The following CCDC187 variants were observed in gnomAD, a reference collection of about 807,000 sequenced individuals.
The protein encoded by CCDC187 is coiled-coil domain containing 187.
CCDC187 carries 32 observed loss-of-function variants against 38.0 expected under a neutral mutation model. The observed-to-expected ratio is 0.84, with a 90% CI of 0.64 to 1.13. The LOEUF (loss-of-function observed/expected upper bound fraction) is 1.13, where lower values mean the gene tolerates loss of function less well. Among genes scored for constraint, CCDC187 ranks in the 50% most tolerant of loss-of-function variants. The pLI, the probability that CCDC187 is intolerant of heterozygous loss-of-function variation, is 0.00. For synonymous variants in CCDC187, 333 were observed against 347.9 expected, an observed-to-expected ratio of 0.96 and a Z score of 0.48; for missense variants, 707 against 786.8, an observed-to-expected ratio of 0.90 and a Z score of 1.21.
intron 3 of CCDC187, among the ~76,000 whole-genome samples, chr9:136,298,368 G>A (rs999884930): frequency 0.017 from 2,605 of 152,300 alleles, 36 homozygotes; most frequent in East Asian, 0.044. Context: ...CTGCCGATGG[G>A]GAGGAGATGG....
At position 136,285,544 on chromosome 9, in the gene CCDC187, G is replaced by C. The variant is rs954025487; in HGVS notation, c.2896C>G (p.Pro966Ala). 1.0e-4 allele frequency: 41 copies of C among 403,002 alleles called. No homozygotes were observed. Among genetic ancestry groups the C allele is most frequent in the African/African-American group, 7.8e-4 (38 of 48,670 alleles). The allele number at this position is 403,002 out of a possible 1,614,324, so 25.0% of individuals were successfully genotyped here. A position where few individuals can be genotyped will look rare whatever the true frequency, so the allele number is the denominator to read the frequency against. The change falls in exon 9 of 26, where the codon CCC becomes GCC. Residue 966 changes from proline (P) to alanine (A), a missense_variant. Transcript: ENST00000638797. ...PDKRLQRGVAPFQALSPSAGS... is the reference protein window; with the variant it reads ...PDKRLQRGVAAFQALSPSAGS... ...GCAGAGGGGCTGAGGGCCTGGAAGG[G>C]GGCCACGCCTCTCTGCAGCCTTTTG...
chr9:136,293,252 T>G (rs888479753), intron 4 of CCDC187, among the ~76,000 whole-genome samples: 1 of 106,304 alleles, frequency 9.4e-6, no homozygotes, highest in Non-Finnish European at 1.9e-5. Flanking sequence ...CTCACATGCT[T>G]ACACACTCAC....
In CCDC187 at chr9:136,260,251, G is replaced by C. The variant is rs1382448804; in HGVS notation, c.4078C>G (p.Gln1360Glu). ...SSKATRPPTE[Q>E]QDVTPPQTTS... The stretch of plus-strand genomic sequence containing the variant: ...GTCTGGGGTGGCGTCACATCCTGCT[G>C]CTCAGTGGGAGGGCTGCACGGCCAT... The change falls in exon 20 of 26, where the codon CAG (glutamine) becomes GAG (glutamate). Residue 1360 changes from glutamine (Q) to glutamate (E), a missense_variant. Physicochemically the swap from Gln to Glu is conservative, Grantham distance 29. Coordinates refer to ENST00000638797, the MANE Select transcript of CCDC187 (RefSeq NM_001378188.1). 2.0e-6 allele frequency: 2 copies of C among 984,960 alleles called. No individual in the cohort carries two copies. The highest frequency in any genetic ancestry group is 2.4e-6 in the Non-Finnish European group (2 of 830,006). The allele number at this position is 984,960 out of a possible 1,614,324, so 61.0% of individuals were successfully genotyped here.
intron 7 of CCDC187, 149 bp downstream of exon 7, chr9:136,289,810 T>C (rs1411052518): frequency 1.0e-5 from 4 of 392,740 alleles, no homozygotes; most frequent in Non-Finnish European, 1.8e-5. Flanking sequence ...CAGGTGGCAC[T>C]GTGGGCGGGC....
chr9:136,275,749 G>A lies in CCDC187; in HGVS notation c.3225+445C>T, dbSNP rs890209582. Among the ~76,000 whole-genome samples, 451 of 152,362 alleles carry A rather than the reference G, an allele frequency of 3.0e-3. 2 individuals carry two copies. Among genetic ancestry groups the A allele is most frequent in the African/African-American group, 0.01 (417 of 41,588 alleles). ...CCCGGGCAGTGGGAGCTGCCTTTCG[G>A]AGGGGACACTATTGGTGCAGGACGG... On this transcript the variant is annotated intron_variant, in intron 12 of 25. Coordinates refer to ENST00000638797, the MANE Select transcript of CCDC187 (RefSeq NM_001378188.1).
chr9:136,261,778 C>T (rs1200441694), intron 19 of CCDC187, among the ~76,000 whole-genome samples: 3 of 152,234 alleles, frequency 2.0e-5, no homozygotes, highest in Non-Finnish European at 2.9e-5. Context: ...GCGCTGCCCC[C>T]CGCTTTCTGC....
intron 5 of CCDC187, among the ~76,000 whole-genome samples, chr9:136,291,931 C>T (rs1489434477): frequency 2.6e-5 from 4 of 152,194 alleles, no homozygotes; most frequent in African/African-American, 7.2e-5. Flanking sequence ...CGGGAACTGG[C>T]GATGGAGCCT....
chr9:136,276,031 G>A (rs1023483941), intron 12 of CCDC187, among the ~76,000 whole-genome samples, 163 bp downstream of exon 12: 10 of 152,274 alleles, frequency 6.6e-5, no homozygotes, highest in African/African-American at 2.4e-4. Flanking sequence ...TTTCTGCATA[G>A]AGACTTTGCT....
chr9:136,270,683 A>G (rs1173921310), intron 14 of CCDC187, among the ~76,000 whole-genome samples: 1 of 152,160 alleles, frequency 6.6e-6, no homozygotes. Context: ...GGTGGAGCAG[A>G]GCGTTCCCTG....
chr9:136,281,619 A>G lies in CCDC187; in HGVS notation c.2972T>C (p.Leu991Pro), dbSNP rs1831044988. 4 of 398,514 alleles carry G rather than the reference A, an allele frequency of 1.0e-5. No homozygotes were observed. The highest frequency in any genetic ancestry group is 8.8e-6 in the Non-Finnish European group (2 of 226,106). 24.7% of individuals were successfully genotyped at this position (398,514 alleles called of 1,614,324 possible). ...PATLHPIWGS[L>P]GLEETPSVGG... ...GACCGACGGCGTCTCCTCCAGTCCCAGGGAGCCCCAGATAGGGTGCAGCGT... is the reference window on the plus strand; with the variant it reads ...GACCGACGGCGTCTCCTCCAGTCCCGGGGAGCCCCAGATAGGGTGCAGCGT... Residue 991 changes from leucine to proline, a missense_variant, in exon 10 of 26, where the codon CTG becomes CCG. Transcript: ENST00000638797.
intron 3 of CCDC187, among the ~76,000 whole-genome samples, chr9:136,298,519 A>G (rs1831592073): frequency 6.6e-6 from 1 of 151,930 alleles, no homozygotes; most frequent in Admixed American, 6.6e-5. Context: ...GTGGGGGAGT[A>G]TCTGGGAAGC....
Position 136,263,813 on chromosome 9 carries a change from T to C in CCDC187, c.3736-15A>G. 1.0e-6 allele frequency: 1 copy of C among 985,418 alleles called. No individual in the cohort carries two copies. The highest frequency in any genetic ancestry group is 1.2e-6 in the Non-Finnish European group (1 of 829,932). 61.0% of individuals were successfully genotyped at this position (985,418 alleles called of 1,614,324 possible). A position where few individuals can be genotyped will look rare whatever the true frequency, so the allele number is the denominator to read the frequency against. ...TGGATTTCCCTCTGAGCAGGCAAAATAAGCAGATGTCAGCATAACCCCGGA... is the reference window on the plus strand; with the variant it reads ...TGGATTTCCCTCTGAGCAGGCAAAACAAGCAGATGTCAGCATAACCCCGGA... On this transcript the variant is annotated splice_polypyrimidine_tract_variant and intron_variant, in intron 17 of 25. Coordinates refer to ENST00000638797, the MANE Select transcript of CCDC187 (RefSeq NM_001378188.1).
Position 136,290,738 on chromosome 9 carries a change from C to T in CCDC187, c.1875G>A (p.Arg625=). The T allele has an allele frequency of 5.0e-6, 2 of 398,484 alleles. No homozygotes were observed. The highest frequency in any genetic ancestry group is 3.6e-5 in the East Asian group (1 of 28,060). The allele number at this position is 398,484 out of a possible 1,614,324, so 24.7% of individuals were successfully genotyped here. A position where few individuals can be genotyped will look rare whatever the true frequency, so the allele number is the denominator to read the frequency against. Residue 625 remains arginine, a synonymous_variant, in exon 6 of 26, where the codon AGG becomes AGA. Coordinates refer to ENST00000638797, the MANE Select transcript of CCDC187 (RefSeq NM_001378188.1). ...KEKDTLRPCP[R]SRGLLGPSHS... is the part of the protein sequence containing the mutation. ...GCGAGGGTCCCAGGAGCCCCCGGGA[C>T]CTGGGGCAGGGCCGCAGCGTGTCCT...
intron 15 of CCDC187, chr9:136,267,813 C>T (rs914156847): frequency 2.0e-6 from 2 of 979,842 alleles, no homozygotes; most frequent in Non-Finnish European, 2.4e-6. Flanking sequence ...CGGGGGCTAA[C>T]CCTGCCCAAA....
intron 2 of CCDC187, among the ~76,000 whole-genome samples, chr9:136,302,174 C>T (rs1174071673): frequency 6.6e-6 from 1 of 151,900 alleles, no homozygotes; most frequent in East Asian, 1.9e-4. Context: ...GGTGACAGAG[C>T]GAGACTCCAT....
At chr9:136,298,006 TCTGA>T (rs1831577823) in intron 3 of CCDC187, among the ~76,000 whole-genome samples, 185 bp from the exon 4 acceptor site, 1 of 152,152 alleles carries the variant, frequency 6.6e-6, no homozygotes, top group Non-Finnish European at 1.5e-5. Context: ...CAGGCCACAG[TCTGA>T]CTGTCACGTC....
intron 10 of CCDC187, among the ~76,000 whole-genome samples, chr9:136,279,020 C>T (rs1830986302): frequency 6.6e-6 from 1 of 152,254 alleles, no homozygotes; most frequent in African/African-American, 2.4e-5. Context: ...TAGAAGCTTC[C>T]ATTGGACAGT....
At chr9:136,300,019 C>T (rs1048044348) in intron 3 of CCDC187, among the ~76,000 whole-genome samples, 1 of 152,254 alleles carries the variant, frequency 6.6e-6, no homozygotes, top group East Asian at 1.9e-4. Flanking sequence ...GGGTCCTGCC[C>T]CACTGGAGAG....
intron 14 of CCDC187, among the ~76,000 whole-genome samples, chr9:136,268,533 C>T (rs984075539): frequency 1.3e-5 from 2 of 152,126 alleles, no homozygotes; most frequent in South Asian, 2.1e-4. Flanking sequence ...GACCTGCTGC[C>T]GACCTCTGCT....
Sources: allele counts gnomAD v4.1 joint callset (sites outside exome capture counted in the v4.1 genomes callset), GRCh38; gene constraint gnomAD v4.1.1; transcripts MANE v1.5; gene names NCBI Gene and HGNC (gene_info 2026-07-23, HGNC 2026-07-21).